The following SPPL2A variants were observed in gnomAD, a reference collection of about 807,000 sequenced individuals.
The protein encoded by SPPL2A is signal peptide peptidase like 2A.
A neutral mutation model predicts 63.8 loss-of-function variants in SPPL2A; 51 were observed. The ratio of observed to expected loss-of-function variants is 0.80; its 90% CI spans 0.64 to 1.01. The LOEUF is 1.01. SPPL2A is among the 50% of genes least tolerant of loss of function. The pLI is 0.00. For missense variants in SPPL2A, 553 were observed against 622.7 expected (o/e 0.89, Z 1.19); for synonymous variants, 188 against 205.8 (o/e 0.91, Z 0.74).
chr15:50,736,617 A>G (rs2062772983), intron 7 of SPPL2A, 27 bp downstream of exon 7: 3 of 1,289,830 alleles, frequency 2.3e-6, no homozygotes, highest in Non-Finnish European at 3.3e-6. Context: ...CACCAACATT[A>G]TAAGATTTCC....
chr15:50,762,582 T>C (rs115872146), intron 1 of SPPL2A, among the ~76,000 whole-genome samples: 151 of 152,220 alleles, frequency 9.9e-4, no homozygotes, highest in African/African-American at 3.5e-3. Flanking sequence ...CAAATGATCT[T>C]TAAGGGCCTT....
intron 8 of SPPL2A, among the ~76,000 whole-genome samples, chr15:50,735,548 C>T (rs774456569): frequency 4.6e-5 from 4 of 86,538 alleles, no homozygotes; most frequent in East Asian, 1.8e-3. Context: ...TATACATACA[C>T]ACACACACAC....
At chr15:50,736,424 G>A (rs145080741) in intron 7 of SPPL2A, among the ~76,000 whole-genome samples, 36 of 152,254 alleles carry the variant, frequency 2.4e-4, no homozygotes, top group African/African-American at 8.7e-4. Flanking sequence ...GTCCAATATA[G>A]TAGCTACTAG....
At chr15:50,751,849 C>T (rs551661322) in intron 1 of SPPL2A, among the ~76,000 whole-genome samples, 1 of 152,054 alleles carries the variant, frequency 6.6e-6, no homozygotes, top group East Asian at 1.9e-4. Flanking sequence ...TTGTTTGAGA[C>T]GGAGTTTCGC....
At position 50,748,716 on chromosome 15, in the gene SPPL2A, G is replaced by T; in HGVS notation, c.332C>A (p.Ala111Glu). The stretch of plus-strand genomic sequence containing the variant: ...GACACTGTTATTGACAACTAACATT[G>T]CTTCAGCACCTCCTTTCTGTGCAAT... ...ARIAQKGGAEAMLVVNNSVLF... is the reference protein window; with the variant it reads ...ARIAQKGGAEEMLVVNNSVLF... Residue 111 changes from alanine to glutamate, a missense_variant, in exon 3 of 15, where the codon GCA becomes GAA. By Grantham distance (107) the Ala-to-Glu change is moderately radical. Transcript: ENST00000261854. 6.2e-7 allele frequency: 1 copy of T among 1,606,270 alleles called. No homozygotes were observed. The highest frequency in any genetic ancestry group is 8.5e-7 in the Non-Finnish European group (1 of 1,177,272).
chr15:50,758,281 T>TC (rs2062978761), intron 1 of SPPL2A, among the ~76,000 whole-genome samples: 1 of 146,654 alleles, frequency 6.8e-6, no homozygotes, highest in East Asian at 2.0e-4. Context: ...AGAGCGAGAC[T>TC]CCATCTCAAA....
In SPPL2A at chr15:50,765,534, C is replaced by T. The variant is rs1360285244; in HGVS notation, c.-1G>A. The stretch of plus-strand genomic sequence containing the variant: ...GGGACAGCCGCCGCTGCGGCCCCAT[C>T]GGACTGGTGGGTGCCGGGTGGGACG... On this transcript the variant is annotated 5_prime_UTR_variant, in exon 1 of 15. Transcript: ENST00000261854. The T allele has an allele frequency of 4.7e-6, 7 of 1,494,806 alleles. No homozygotes were observed. The Admixed American group carries it at 6.5e-5, about 14-fold the overall frequency. 92.6% of individuals were successfully genotyped at this position (1,494,806 alleles called of 1,614,324 possible).
chr15:50,765,681 A>AG lies in SPPL2A; in HGVS notation c.-149_-148insC. 2.3e-6 allele frequency: 1 copy of AG among 428,576 alleles called. No homozygotes were observed. Among genetic ancestry groups the AG allele is most frequent in the Non-Finnish European group, 4.0e-6 (1 of 252,148 alleles). The allele number at this position is 428,576 out of a possible 1,614,324, so 26.5% of individuals were successfully genotyped here. A position where few individuals can be genotyped will look rare whatever the true frequency, so the allele number is the denominator to read the frequency against. On this transcript the variant is annotated 5_prime_UTR_variant, in exon 1 of 15. Transcript: ENST00000261854. ...GGGCTACGACTGGACCGCCGCTGCT[A>AG]CAGCGGCCGCCACAGCAGCGCGACT...
chr15:50,738,852 G>C (rs1041584320), intron 6 of SPPL2A, among the ~76,000 whole-genome samples: 6 of 152,044 alleles, frequency 3.9e-5, no homozygotes, highest in Non-Finnish European at 7.4e-5. Flanking sequence ...TTACTTTCTA[G>C]ACCACAGGGA....
chr15:50,744,074 G>A (rs2141047416), intron 5 of SPPL2A, among the ~76,000 whole-genome samples: 1 of 152,024 alleles, frequency 6.6e-6, no homozygotes, highest in African/African-American at 2.4e-5. Context: ...AGCTACTTGG[G>A]AGGCTGAGGC....
At chr15:50,719,093 C>T (rs1425012293) in intron 14 of SPPL2A, among the ~76,000 whole-genome samples, 1 of 152,100 alleles carries the variant, frequency 6.6e-6, no homozygotes. Flanking sequence ...AAAGAAAAGG[C>T]TTTAACTTTA....
chr15:50,713,343 C>G (rs937898950), intron 14 of SPPL2A, among the ~76,000 whole-genome samples: 2 of 150,976 alleles, frequency 1.3e-5, no homozygotes, highest in African/African-American at 4.9e-5. Context: ...CGACTCACTG[C>G]AAGCTCCGCC....
chr15:50,727,597 A>G (rs1331635120), intron 10 of SPPL2A, among the ~76,000 whole-genome samples: 1 of 152,140 alleles, frequency 6.6e-6, no homozygotes. Flanking sequence ...AAGACACAAT[A>G]CTGAGCACAG....
At chr15:50,762,791 G>A (rs2063023724) in intron 1 of SPPL2A, among the ~76,000 whole-genome samples, 1 of 148,380 alleles carries the variant, frequency 6.7e-6, no homozygotes, top group Non-Finnish European at 1.5e-5. Flanking sequence ...GGAGTGCAGT[G>A]GCACGATCTT....
chr15:50,764,030 A>G (rs2063036596), intron 1 of SPPL2A, among the ~76,000 whole-genome samples: 1 of 152,232 alleles, frequency 6.6e-6, no homozygotes, highest in Non-Finnish European at 1.5e-5. Flanking sequence ...CTACTTAAGT[A>G]GAGTTTTCTG....
rs910608046 is a variant in SPPL2A at position 50,703,526 on chromosome 15, C to T, written c.*4274G>A. On this transcript the variant is annotated 3_prime_UTR_variant, in exon 15 of 15. Coordinates refer to ENST00000261854, the MANE Select transcript of SPPL2A (RefSeq NM_032802.4). ...TACAGGCGAGCCCCACCACACCCAGCTAATTTTTGTATTTTTAGTAGAGAC... is the reference window on the plus strand; with the variant it reads ...TACAGGCGAGCCCCACCACACCCAGTTAATTTTTGTATTTTTAGTAGAGAC... 6.6e-6 allele frequency: 1 copy of T among 151,054 alleles called. No individual in the cohort carries two copies. Among genetic ancestry groups the T allele is most frequent in the Non-Finnish European group, 1.5e-5 (1 of 67,900 alleles). 9.4% of individuals were successfully genotyped at this position (151,054 alleles called of 1,614,324 possible).
At chr15:50,764,873 T>C (rs2063043900) in intron 1 of SPPL2A, among the ~76,000 whole-genome samples, 1 of 151,090 alleles carries the variant, frequency 6.6e-6, no homozygotes, top group African/African-American at 2.4e-5. Context: ...TGTCTTCTTT[T>C]AAAAGTTATT....
intron 9 of SPPL2A, among the ~76,000 whole-genome samples, chr15:50,731,619 TATGA>T (rs1281815786): frequency 6.6e-6 from 1 of 151,536 alleles, no homozygotes; most frequent in African/African-American, 2.4e-5. Flanking sequence ...TGGCATATTA[TATGA>T]ATGATTAAAA....
intron 5 of SPPL2A, among the ~76,000 whole-genome samples, chr15:50,742,511 G>A (rs12906839): frequency 0.25 from 37,934 of 152,030 alleles, 5,690 homozygotes; most frequent in East Asian, 0.55. Flanking sequence ...GTGAGGTCCT[G>A]TTCTGGCACA....
Sources: allele counts gnomAD v4.1 joint callset (sites outside exome capture counted in the v4.1 genomes callset), GRCh38; gene constraint gnomAD v4.1.1; transcripts MANE v1.5; gene names NCBI Gene and HGNC (gene_info 2026-07-23, HGNC 2026-07-21).